Variants in HLTF observed in about 807,000 individuals in gnomAD.
HLTF encodes helicase like transcription factor.
A neutral mutation model predicts 129.4 loss-of-function variants in HLTF; 127 were observed. That is an observed-to-expected ratio of 0.98 (90% CI 0.85 to 1.14). The LOEUF (loss-of-function observed/expected upper bound fraction) is 1.14. HLTF is among the 50% of genes most tolerant of loss of function. The probability of loss-of-function intolerance (pLI) is 0.00; values close to 1 mark genes in which losing one functional copy is unlikely to be tolerated. For missense variants in HLTF, 1,139 were observed against 1,187.1 expected (o/e 0.96, Z 0.60); for synonymous variants, 332 against 388.8 (o/e 0.85, Z 1.72).
chr3:149,073,726 G>A (rs532809844), intron 4 of HLTF, among the ~76,000 whole-genome samples: 15 of 151,946 alleles, frequency 9.9e-5, no homozygotes, highest in Admixed American at 6.6e-4. Flanking sequence ...TAAATAAAAC[G>A]TGCATAACAA....
intron 8 of HLTF, among the ~76,000 whole-genome samples, chr3:149,067,061 G>T (rs1718438754): frequency 1.3e-5 from 2 of 151,862 alleles, no homozygotes; most frequent in African/African-American, 4.8e-5. Context: ...TAAGTTACTT[G>T]AATTTTCAGG....
At chr3:149,081,172 T>G (rs765113301) in intron 2 of HLTF, among the ~76,000 whole-genome samples, 9 of 151,914 alleles carry the variant, frequency 5.9e-5, no homozygotes, top group Non-Finnish European at 1.2e-4. Context: ...CATAACTGTA[T>G]TTTAAAATAG....
At chr3:149,066,605 A>T (rs1157179091) in intron 8 of HLTF, among the ~76,000 whole-genome samples, 1 of 152,012 alleles carries the variant, frequency 6.6e-6, no homozygotes, top group African/African-American at 2.4e-5. Flanking sequence ...GTAGCAACCC[A>T]AATATTCTAA....
intron 1 of HLTF, among the ~76,000 whole-genome samples, chr3:149,085,455 C>G (rs1286365292): frequency 1.3e-5 from 2 of 152,190 alleles, no homozygotes; most frequent in Non-Finnish European, 1.5e-5. Flanking sequence ...TGCCACTGCA[C>G]TCCAGCCTGG....
At position 149,031,909 on chromosome 3, in the gene HLTF, G is replaced by A. The variant is rs375154890; in HGVS notation, c.*311C>T. 1.7e-5 allele frequency: 3 copies of A among 173,372 alleles called. No homozygotes were observed. In the East Asian group the frequency reaches 4.6e-4, roughly 27 times the overall value. 10.7% of individuals were successfully genotyped at this position (173,372 alleles called of 1,614,324 possible). A position where few individuals can be genotyped will look rare whatever the true frequency, so the allele number is the denominator to read the frequency against. ...AAAGGTCTGACCTTATTTGAAATAC[G>A]AAAAAGCTGAGTACTTGGAAGATAC... is the stretch of plus-strand genomic sequence containing the variant. On this transcript the variant is annotated 3_prime_UTR_variant, in exon 25 of 25. Transcript: ENST00000310053.
chr3:149,078,200 A>G (rs1719550043), intron 2 of HLTF, among the ~76,000 whole-genome samples: 1 of 152,234 alleles, frequency 6.6e-6, no homozygotes, highest in Non-Finnish European at 1.5e-5. Context: ...GTCCCCAAGA[A>G]AGTATAGATG....
At chr3:149,040,190 TAACAG>T (rs774929780) in intron 20 of HLTF, 34 bp from the exon 21 acceptor site, 1 of 1,577,826 alleles carries the variant, frequency 6.3e-7, no homozygotes, top group Admixed American at 1.8e-5. Flanking sequence ...GAGCAACACT[TAACAG>T]AAGAACAAAT....
At chr3:149,060,591 T>C (rs1216155607) in intron 12 of HLTF, 52 bp downstream of exon 12, 3 of 1,371,950 alleles carry the variant, frequency 2.2e-6, no homozygotes, top group South Asian at 2.4e-5. Context: ...TCAATGGAGC[T>C]GTACTTTAAT....
At chr3:149,057,687 G>A (rs903824694) in intron 13 of HLTF, among the ~76,000 whole-genome samples, 3 of 152,132 alleles carry the variant, frequency 2.0e-5, no homozygotes, top group African/African-American at 7.2e-5. Flanking sequence ...TTTTAGAACT[G>A]AAACTGTAGA....
intron 16 of HLTF, among the ~76,000 whole-genome samples, chr3:149,048,398 A>C (rs1436774870): frequency 1.3e-5 from 2 of 152,250 alleles, no homozygotes; most frequent in Non-Finnish European, 2.9e-5. Context: ...AGCCAAGAAA[A>C]AGACTGGAAA....
Position 149,081,214 on chromosome 3 carries a change from C to T in HLTF, c.228+3468G>A, listed in dbSNP as rs183033434. On this transcript the variant is annotated intron_variant, in intron 2 of 24. Coordinates refer to ENST00000310053, the MANE Select transcript of HLTF (RefSeq NM_003071.4). ...AAATAAACCACATTATAAAATAAAG[C>T]CTTTGATGGGTCAAAAAATAAACTT... 3.4e-3 allele frequency among the ~76,000 whole-genome samples: 507 copies of T among 150,950 alleles called. 4 individuals are homozygous for T. The highest frequency in any genetic ancestry group is 0.012 in the African/African-American group (490 of 41,114).
chr3:149,063,032 A>G (rs538101507), intron 10 of HLTF: 138 of 456,186 alleles, frequency 3.0e-4, no homozygotes, highest in South Asian at 2.1e-3. Context: ...CTTAACAAAT[A>G]TAAGGGTCAT....
intron 18 of HLTF, among the ~76,000 whole-genome samples, chr3:149,042,608 C>T (rs1185181156): frequency 6.6e-6 from 1 of 152,098 alleles, no homozygotes; most frequent in African/African-American, 2.4e-5. Flanking sequence ...ATCAATACCT[C>T]TCATGTGCAG....
intron 12 of HLTF, 49 bp from the exon 13 acceptor site, chr3:149,059,856 G>A: frequency 6.3e-6 from 7 of 1,106,760 alleles, no homozygotes; most frequent in Non-Finnish European, 9.6e-6. Context: ...TATCTCCTGT[G>A]CTAGAGTACA....
chr3:149,059,677 GA>G (rs535591337), intron 13 of HLTF, 40 bp downstream of exon 13: 13 of 1,266,180 alleles, frequency 1.0e-5, no homozygotes, highest in Admixed American at 4.6e-5. Context: ...TTCAAAAACA[GA>G]AAAAAAACCA....
intron 2 of HLTF, among the ~76,000 whole-genome samples, chr3:149,082,276 G>A (rs1041704055): frequency 9.9e-5 from 15 of 152,172 alleles, no homozygotes; most frequent in South Asian, 2.1e-4. Flanking sequence ...GGCTAACACG[G>A]TGAAACCCCG....
At chr3:149,054,370 A>G (rs1332256712) in intron 14 of HLTF, among the ~76,000 whole-genome samples, 2 of 152,138 alleles carry the variant, frequency 1.3e-5, no homozygotes, top group African/African-American at 4.8e-5. Context: ...GAGACTAAAT[A>G]AACAAGGGAA....
intron 10 of HLTF, among the ~76,000 whole-genome samples, chr3:149,061,197 G>A (rs1191979022): frequency 6.6e-6 from 1 of 151,990 alleles, no homozygotes; most frequent in Admixed American, 6.6e-5. Context: ...AGCCTCGGGA[G>A]TACCTAGGAC....
At chr3:149,083,007 T>C (rs1473696331) in intron 2 of HLTF, among the ~76,000 whole-genome samples, 2 of 152,110 alleles carry the variant, frequency 1.3e-5, no homozygotes, top group African/African-American at 4.8e-5. Flanking sequence ...ATCCCAGCAC[T>C]TTGGAAGGCC....
Sources: gnomAD v4.1 joint callset for allele counts (sites outside exome capture counted in the v4.1 genomes callset) on GRCh38, gnomAD v4.1.1 for gene constraint, MANE v1.5 for transcripts, NCBI Gene and HGNC (gene_info 2026-07-23, HGNC 2026-07-21) for gene names.